Variants in MAN2B2 observed in about 807,000 individuals in gnomAD.
MAN2B2 encodes epididymis-specific alpha-mannosidase.
Under a neutral mutation model 117.1 loss-of-function variants are expected in MAN2B2, and 106 were observed. The ratio of observed to expected loss-of-function variants is 0.90; its 90% CI spans 0.77 to 1.06. The LOEUF is 1.06. Among genes scored for constraint, MAN2B2 ranks in the 50% least tolerant of loss-of-function variants. MAN2B2 has a pLI of 0.00. For missense variants in MAN2B2, 1,326 were observed against 1,381.4 expected (o/e 0.96, Z 0.64); for synonymous variants, 544 against 595.1 (o/e 0.91, Z 1.25).
rs550657434 is a variant in MAN2B2 at position 6,597,398 on chromosome 4, A to G, written c.1248+95A>G. The G allele has an allele frequency of 2.3e-6, 3 of 1,285,844 alleles. No homozygotes were observed. In the African/African-American group the frequency reaches 4.6e-5, roughly 20 times the overall value. The allele number at this position is 1,285,844 out of a possible 1,614,324, so 79.7% of individuals were successfully genotyped here. On this transcript the variant is annotated intron_variant, in intron 8 of 18. Transcript: ENST00000285599. ...TAGCCAATCCTTCCAGCCCTGGGGC[A>G]CTAGAGGCCCCACTTTACAGAGGGG...
chr4:6,599,531 G>T (rs1045554328), intron 9 of MAN2B2, among the ~76,000 whole-genome samples: 5 of 152,108 alleles, frequency 3.3e-5, no homozygotes, highest in Non-Finnish European at 5.9e-5. Context: ...GGGTGTGGTG[G>T]CGGGCGCCTG....
At chr4:6,608,333 C>T (rs1727626230) in intron 11 of MAN2B2, among the ~76,000 whole-genome samples, 1 of 152,238 alleles carries the variant, frequency 6.6e-6, no homozygotes, top group African/African-American at 2.4e-5. Flanking sequence ...CTTCCCCACC[C>T]TCACCACAAT....
At chr4:6,598,171 C>T in intron 8 of MAN2B2, 27 bp from the exon 9 acceptor site, 1 of 1,606,940 alleles carries the variant, frequency 6.2e-7, no homozygotes, top group Non-Finnish European at 8.5e-7. Context: ...TGATCCTGTT[C>T]TTCCTCCCCT....
chr4:6,600,667 G>A lies in MAN2B2; in HGVS notation c.1450G>A (p.Ala484Thr). 7 of 1,613,988 alleles carry A rather than the reference G, an allele frequency of 4.3e-6. No individual in the cohort carries two copies. Among genetic ancestry groups the A allele is most frequent in the Non-Finnish European group, 5.9e-6 (7 of 1,180,018 alleles). ...GHFASVYNPL[A>T]WTVTTIVTLT... ...TTTTGCCTCGGTCTACAACCCGCTGGCCTGGACGGTCACCACCATCGTCAC... is the reference window on the plus strand; with the variant it reads ...TTTTGCCTCGGTCTACAACCCGCTGACCTGGACGGTCACCACCATCGTCAC... The change falls in exon 10 of 19, where the codon GCC becomes ACC. Residue 484 changes from alanine (A) to threonine (T), a missense_variant. Coordinates refer to ENST00000285599, the MANE Select transcript of MAN2B2 (RefSeq NM_015274.3).
intron 3 of MAN2B2, among the ~76,000 whole-genome samples, chr4:6,584,197 C>T (rs1726549284): frequency 1.3e-5 from 2 of 152,214 alleles, no homozygotes; most frequent in Admixed American, 1.3e-4. Context: ...CCCACTCATG[C>T]TTGTCTAACT....
In MAN2B2 at chr4:6,589,076, C is replaced by A. The variant is rs1726757180; in HGVS notation, c.596C>A (p.Ser199Tyr). ...GLQFVWRGSPSLSERQEIFTH... is the reference protein window; with the variant it reads ...GLQFVWRGSPYLSERQEIFTH... ...CAGTTCGTGTGGCGAGGGTCCCCAT[C>A]CCTCTCAGAGCGGCAGGAAATCTTC... Residue 199 changes from serine to tyrosine, a missense_variant, in exon 5 of 19, where the codon TCC (serine) becomes TAC (tyrosine). Transcript: ENST00000285599. 6.2e-7 allele frequency: 1 copy of A among 1,614,186 alleles called. No individual in the cohort carries two copies. The highest frequency in any genetic ancestry group is 1.1e-5 in the South Asian group (1 of 91,080).
intron 12 of MAN2B2, 70 bp from the exon 13 acceptor site, chr4:6,609,728 A>C: frequency 1.6e-5 from 10 of 607,752 alleles, no homozygotes; most frequent in Admixed American, 2.1e-5. Flanking sequence ...CACATGAAGG[A>C]AGGGAAGCAA....
rs374331789 is a variant in MAN2B2 at position 6,587,184 on chromosome 4, C to T, written c.564+16C>T. The T allele has an allele frequency of 1.6e-5, 26 of 1,605,424 alleles. No homozygotes were observed. The highest frequency in any genetic ancestry group is 8.0e-5 in the African/African-American group (6 of 74,738). On this transcript the variant is annotated intron_variant, in intron 4 of 18. Transcript: ENST00000285599. ...GGAGGCCCGGGTGAGTGGTGTGCCG[C>T]GTCTGCTGCCGCCCAGCGACCGCTC... is the stretch of plus-strand genomic sequence containing the variant.
rs71646652 is a variant in MAN2B2 at position 6,602,670 on chromosome 4, CT to C, written c.1539+1931del. 3.5e-3 allele frequency among the ~76,000 whole-genome samples: 478 copies of C among 138,332 alleles called. 1 individual carries two copies. Among genetic ancestry groups the C allele is most frequent in the Middle Eastern group, 7.1e-3 (2 of 280 alleles). The allele number at this position is 138,332 out of a possible 152,430, so 90.8% of individuals were successfully genotyped here. A position where few individuals can be genotyped will look rare whatever the true frequency, so the allele number is the denominator to read the frequency against. ...AAAACAATTTTTACTGTCAGTTTTC[CT>C]TTTTTTTTTTTTTTTTGAGACAAAG... On this transcript the variant is annotated intron_variant, in intron 10 of 18. Transcript: ENST00000285599.
chr4:6,598,513 C>A (rs111326606), intron 9 of MAN2B2, among the ~76,000 whole-genome samples, 159 bp downstream of exon 9: 4,953 of 152,254 alleles, frequency 0.033, 289 homozygotes, highest in African/African-American at 0.11. Flanking sequence ...CTTCAGTCCT[C>A]CCAGCCTCTG....
intron 4 of MAN2B2, among the ~76,000 whole-genome samples, chr4:6,588,456 C>CA (rs1726728280): frequency 6.6e-6 from 1 of 152,222 alleles, no homozygotes; most frequent in Non-Finnish European, 1.5e-5. Flanking sequence ...CACAGTGGCT[C>CA]ACGCCTGTAA....
chr4:6,579,237 CCACCACCCTT>C (rs1560634750), intron 3 of MAN2B2, among the ~76,000 whole-genome samples: 3 of 31,444 alleles, frequency 9.5e-5, no homozygotes, highest in Non-Finnish European at 2.3e-4. Context: ...ACCATCACCA[CCACCACCCTT>C]CACCACCATC....
Position 6,578,466 on chromosome 4 carries a change from C to T in MAN2B2, c.359C>T (p.Thr120Met), listed in dbSNP as rs777391984. 3.1e-5 allele frequency: 50 copies of T among 1,613,402 alleles called. No individual in the cohort carries two copies. Among genetic ancestry groups the T allele is most frequent in the Middle Eastern group, 1.6e-4 (1 of 6,080 alleles). Residue 120 changes from threonine (T) to methionine (M), a missense_variant, in exon 3 of 19, where the codon ACG (threonine) becomes ATG (methionine). Thr to Met is a moderately conservative substitution (Grantham distance 81). Transcript: ENST00000285599. ...CAGGTCATGCATGACGAGGCTGTGA[C>T]GCACCTTGATGACCAGATCCTGCAG... Reference protein sequence around the residue: ...GGQVMHDEAVTHLDDQILQLT... With the variant: ...GGQVMHDEAVMHLDDQILQLT...
At chr4:6,605,758 A>G (rs1027550992) in intron 11 of MAN2B2, among the ~76,000 whole-genome samples, 1 of 151,166 alleles carries the variant, frequency 6.6e-6, no homozygotes, top group Non-Finnish European at 1.5e-5. Context: ...CCAGTTATCC[A>G]TCCATCCACC....
At position 6,591,648 on chromosome 4, in the gene MAN2B2, C is replaced by T. The variant is rs147792193; in HGVS notation, c.681-1525C>T. On this transcript the variant is annotated intron_variant, in intron 5 of 18. Coordinates refer to ENST00000285599, the MANE Select transcript of MAN2B2 (RefSeq NM_015274.3). The stretch of plus-strand genomic sequence containing the variant: ...GGGGCTATCAGGTGACAGCAGGGGA[C>T]TCCTAGGCCCCTGGGGGCCTTCAAG... 3.1e-3 allele frequency among the ~76,000 whole-genome samples: 470 copies of T among 152,256 alleles called. 1 individual carries two copies. Among genetic ancestry groups the T allele is most frequent in the Non-Finnish European group, 5.2e-3 (356 of 68,000 alleles).
At chr4:6,594,974 C>T (rs965327269) in intron 7 of MAN2B2, among the ~76,000 whole-genome samples, 2 of 152,352 alleles carry the variant, frequency 1.3e-5, no homozygotes, top group African/African-American at 4.8e-5. Flanking sequence ...TTGCCCACCA[C>T]ATGCAGTTTC....
At chr4:6,612,691 T>C (rs573124619) in intron 15 of MAN2B2, among the ~76,000 whole-genome samples, 28 of 152,368 alleles carry the variant, frequency 1.8e-4, no homozygotes, top group African/African-American at 6.7e-4. Flanking sequence ...AGTGGTTCCT[T>C]CTGTGTAGCT....
chr4:6,579,370 CCACCACCACCACTACCCTTCACCAT>C (rs1726320672), intron 3 of MAN2B2, among the ~76,000 whole-genome samples: 3 of 68,046 alleles, frequency 4.4e-5, no homozygotes, highest in Admixed American at 2.8e-4. Context: ...ATCACCATCA[CCACCACCACCACTACCCTTCACCAT>C]CACCACCACC....
At chr4:6,608,056 C>T (rs566605520) in intron 11 of MAN2B2, among the ~76,000 whole-genome samples, 2 of 152,284 alleles carry the variant, frequency 1.3e-5, no homozygotes, top group Non-Finnish European at 2.9e-5. Flanking sequence ...TCTTTAGATC[C>T]TTTACCTATT....
Sources: gnomAD v4.1 joint callset for allele counts (sites outside exome capture counted in the v4.1 genomes callset) on GRCh38, gnomAD v4.1.1 for gene constraint, MANE v1.5 for transcripts, NCBI Gene and HGNC (gene_info 2026-07-23, HGNC 2026-07-21) for gene names.